The following TMPRSS2 variants were observed in gnomAD, a reference collection of about 807,000 sequenced individuals.
TMPRSS2 encodes transmembrane serine protease 2.
In TMPRSS2, 59 loss-of-function variants were observed where a neutral mutation model predicts 67.4. The observed-to-expected ratio is 0.88, with a 90% confidence interval of 0.71 to 1.09. The LOEUF is 1.09. TMPRSS2 is among the 50% of genes least tolerant of loss of function. The pLI is 0.00. For synonymous variants in TMPRSS2, 257 were observed against 257.0 expected, an observed-to-expected ratio of 1.00 and a Z score of 0.00; for missense variants, 668 against 642.7, an observed-to-expected ratio of 1.04 and a Z score of -0.43.
At chr21:41,492,228 C>T (rs886331524) in intron 3 of TMPRSS2, among the ~76,000 whole-genome samples, 8 of 151,994 alleles carry the variant, frequency 5.3e-5, no homozygotes, top group Non-Finnish European at 1.2e-4. Flanking sequence ...CAAAAAAAAC[C>T]CACGCACACA....
At chr21:41,470,766 A>G (rs376648381) in intron 10 of TMPRSS2, 23 bp from the exon 11 acceptor site, 2 of 1,265,102 alleles carry the variant, frequency 1.6e-6, no homozygotes, top group Admixed American at 1.8e-5. Flanking sequence ...GAGAAAACAC[A>G]GTGAGCCAGG....
chr21:41,494,209 A>C, intron 3 of TMPRSS2, 147 bp downstream of exon 3: 1 of 877,178 alleles, frequency 1.1e-6, no homozygotes, highest in Admixed American at 2.8e-5. Flanking sequence ...GTGGAAAGGC[A>C]TGAAGACAGG....
At chr21:41,477,549 A>G (rs908294491) in intron 7 of TMPRSS2, among the ~76,000 whole-genome samples, 2 of 151,866 alleles carry the variant, frequency 1.3e-5, no homozygotes, top group Non-Finnish European at 2.9e-5. Flanking sequence ...GCTTCCTCCA[A>G]CCACCCCCAA....
At chr21:41,496,463 G>C (rs1351872476) in intron 2 of TMPRSS2, among the ~76,000 whole-genome samples, 2 of 152,228 alleles carry the variant, frequency 1.3e-5, no homozygotes, top group Non-Finnish European at 2.9e-5. Context: ...GAAAGGTGTA[G>C]CTAAATCCCT....
chr21:41,507,043 G>C (rs538933388), intron 1 of TMPRSS2, among the ~76,000 whole-genome samples: 68 of 152,342 alleles, frequency 4.5e-4, no homozygotes, highest in African/African-American at 1.6e-3. Context: ...TCGTGATTAG[G>C]GCTGCCACCA....
chr21:41,502,439 C>T (rs1295851046), intron 1 of TMPRSS2: 3 of 985,266 alleles, frequency 3.0e-6, no homozygotes, highest in Non-Finnish European at 3.6e-6. Context: ...TGGTACGGTT[C>T]GAGTTGCTGG....
Position 41,464,931 on chromosome 21 carries a change from G to T in TMPRSS2, c.*1211C>A, listed in dbSNP as rs142444476. ...GAACCATGGTAGAGTAGTGCTCATG[G>T]TTATGGCACTTGGCAATGCAAAAGG... On this transcript the variant is annotated 3_prime_UTR_variant, in exon 14 of 14. Transcript: ENST00000332149. The T allele has an allele frequency of 9.3e-4, 216 of 233,302 alleles. 1 individual carries two copies. Among genetic ancestry groups the T allele is most frequent in the African/African-American group, 4.5e-3 (206 of 45,482 alleles). 14.5% of individuals were successfully genotyped at this position (233,302 alleles called of 1,614,324 possible).
At chr21:41,468,706 C>A (rs1186338321) in intron 11 of TMPRSS2, 168 bp from the exon 12 acceptor site, 7 of 669,574 alleles carry the variant, frequency 1.0e-5, no homozygotes, top group Non-Finnish European at 1.5e-5. Context: ...TCCTGGGAAA[C>A]CTGGATTCTC....
intron 13 of TMPRSS2, among the ~76,000 whole-genome samples, chr21:41,467,392 A>T (rs1006440875): frequency 7.9e-5 from 12 of 151,868 alleles, no homozygotes; most frequent in Admixed American, 7.2e-4. Flanking sequence ...CCATCTCAAA[A>T]AAAAAAAAAA....
At chr21:41,480,381 C>A (rs2091247520) in intron 6 of TMPRSS2, 95 bp downstream of exon 6, 3 of 1,550,512 alleles carry the variant, frequency 1.9e-6, no homozygotes, top group Non-Finnish European at 8.7e-7. Context: ...CCCCAGCACT[C>A]ATGTGCCGGT....
rs192666663 is a variant in TMPRSS2 at position 41,490,009 on chromosome 21, G to A, written c.239-416C>T. Among the ~76,000 whole-genome samples, 28 of 152,066 alleles carry A rather than the reference G, an allele frequency of 1.8e-4. No individual in the cohort carries two copies. The East Asian group carries it at 4.7e-3, about 25-fold the overall frequency. On this transcript the variant is annotated intron_variant, in intron 3 of 13. Transcript: ENST00000332149. Reference sequence around the variant, plus strand: ...CTAAAAATACAAAAATTAGCTGGGCGTGGTGGCAGGTGCCTGTAATCCTAG... The same window carrying A: ...CTAAAAATACAAAAATTAGCTGGGCATGGTGGCAGGTGCCTGTAATCCTAG...
intron 6 of TMPRSS2, among the ~76,000 whole-genome samples, 187 bp from the exon 7 acceptor site, chr21:41,479,469 A>G (rs1002439783): frequency 3.3e-5 from 5 of 152,226 alleles, no homozygotes; most frequent in African/African-American, 1.2e-4. Context: ...CAATAACCCT[A>G]AAGTGTCAGA....
chr21:41,485,159 G>C (rs1179737283), intron 5 of TMPRSS2, among the ~76,000 whole-genome samples: 5 of 151,556 alleles, frequency 3.3e-5, no homozygotes, highest in Admixed American at 1.3e-4. Context: ...AGTAAGCAGA[G>C]CAAGGAAGAA....
chr21:41,498,951 A>G (rs1258066285), intron 1 of TMPRSS2, among the ~76,000 whole-genome samples: 1 of 151,014 alleles, frequency 6.6e-6, no homozygotes, highest in African/African-American at 2.4e-5. Flanking sequence ...AGCAGGTGCA[A>G]TCAGACCGTC....
intron 5 of TMPRSS2, among the ~76,000 whole-genome samples, chr21:41,485,582 G>A (rs543908797): frequency 6.6e-6 from 1 of 150,944 alleles, no homozygotes; most frequent in African/African-American, 2.4e-5. Context: ...CCAGGACATC[G>A]AAGTTGCAGT....
At chr21:41,496,420 T>G (rs1185283119) in intron 2 of TMPRSS2, among the ~76,000 whole-genome samples, 1 of 152,260 alleles carries the variant, frequency 6.6e-6, no homozygotes, top group Non-Finnish European at 1.5e-5. Flanking sequence ...ATAAACATTC[T>G]GACACATTAC....
intron 13 of TMPRSS2, among the ~76,000 whole-genome samples, chr21:41,466,995 T>A (rs2091090323): frequency 6.6e-6 from 1 of 152,146 alleles, no homozygotes; most frequent in Non-Finnish European, 1.5e-5. Context: ...CCCTGGCTGC[T>A]CCTGCCCTTC....
chr21:41,472,339 T>C (rs1282662955), intron 9 of TMPRSS2, among the ~76,000 whole-genome samples: 1 of 152,152 alleles, frequency 6.6e-6, no homozygotes, highest in African/African-American at 2.4e-5. Context: ...ACATGGTAGG[T>C]GCTTAATAAA....
Position 41,465,631 on chromosome 21 carries a change from A to G in TMPRSS2, c.*511T>C. On this transcript the variant is annotated 3_prime_UTR_variant, in exon 14 of 14. Coordinates refer to ENST00000332149, the MANE Select transcript of TMPRSS2 (RefSeq NM_005656.4). ...AGGGCTGGTCCCTTTATTTCTGGCCACCATCCAGGGCTGCTAAGGCTCTAA... is the reference window on the plus strand; with the variant it reads ...AGGGCTGGTCCCTTTATTTCTGGCCGCCATCCAGGGCTGCTAAGGCTCTAA... 4.2e-6 allele frequency: 1 copy of G among 236,946 alleles called. No individual in the cohort carries two copies. The highest frequency in any genetic ancestry group is 8.3e-6 in the Non-Finnish European group (1 of 120,900). 14.7% of individuals were successfully genotyped at this position (236,946 alleles called of 1,614,324 possible).
Sources: allele counts gnomAD v4.1 joint callset (sites outside exome capture counted in the v4.1 genomes callset), GRCh38; gene constraint gnomAD v4.1.1; transcripts MANE v1.5; gene names NCBI Gene and HGNC (gene_info 2026-07-23, HGNC 2026-07-21).